RFC1: variants seen among roughly 807,000 people sequenced by gnomAD.
RFC1 encodes replication factor C subunit 1.
A neutral mutation model predicts 137.4 loss-of-function variants in RFC1; 37 were observed. The observed-to-expected ratio is 0.27, with a 90% CI of 0.21 to 0.35. The LOEUF (loss-of-function observed/expected upper bound fraction) is 0.35. Among genes scored for constraint, RFC1 ranks in the 10% least tolerant of loss-of-function variants. The pLI is 1.00. For missense variants in RFC1, 1,205 were observed against 1,358.5 expected, an observed-to-expected ratio of 0.89 and a Z score of 1.78; for synonymous variants, 429 against 455.7, an observed-to-expected ratio of 0.94 and a Z score of 0.75.
At chr4:39,342,740 T>C (rs533261713) in intron 3 of RFC1, among the ~76,000 whole-genome samples, 2 of 152,336 alleles carry the variant, frequency 1.3e-5, no homozygotes, top group South Asian at 2.1e-4. Context: ...ATGGCAAATA[T>C]GGGTCTCACT....
intron 21 of RFC1, among the ~76,000 whole-genome samples, chr4:39,299,443 C>T (rs900562708): frequency 1.3e-5 from 2 of 151,740 alleles, no homozygotes; most frequent in Non-Finnish European, 2.9e-5. Flanking sequence ...GAAACCCTGT[C>T]GCTACTAAAA....
chr4:39,302,262 TG>T lies in RFC1; in HGVS notation c.2535+15del. ...TTGGCTTAGGAAAGTAACTAAGACATGGACATTTATTTTACCATTTTGATAT... is the reference window on the plus strand; with the variant it reads ...TTGGCTTAGGAAAGTAACTAAGACATGACATTTATTTTACCATTTTGATAT... On this transcript the variant is annotated intron_variant, in intron 19 of 24. Coordinates refer to ENST00000349703, the MANE Select transcript of RFC1 (RefSeq NM_002913.5). 6.5e-7 allele frequency: 1 copy of T among 1,529,304 alleles called. No homozygotes were observed. The highest frequency in any genetic ancestry group is 9.1e-7 in the Non-Finnish European group (1 of 1,102,656). 94.7% of individuals were successfully genotyped at this position (1,529,304 alleles called of 1,614,324 possible).
chr4:39,336,616 T>C (rs1474551869), intron 4 of RFC1, among the ~76,000 whole-genome samples: 1 of 152,262 alleles, frequency 6.6e-6, no homozygotes, highest in African/African-American at 2.4e-5. Context: ...GTCCTGTGCA[T>C]TGCGGGATGC....
intron 7 of RFC1, 23 bp downstream of exon 7, chr4:39,323,317 C>T: frequency 6.2e-7 from 1 of 1,609,972 alleles, no homozygotes; most frequent in Non-Finnish European, 8.5e-7. Flanking sequence ...ATTCAGAACG[C>T]AAATAGCCCA....
intron 4 of RFC1, among the ~76,000 whole-genome samples, chr4:39,331,233 T>C (rs1740086904): frequency 6.6e-6 from 1 of 152,224 alleles, no homozygotes; most frequent in Admixed American, 6.5e-5. Flanking sequence ...TTATTTGCTT[T>C]AAGTTCAACA....
rs988120643 is a variant in RFC1, at chr4:39,288,912, T to C, written c.3361-68A>G. 3.0e-6 allele frequency: 3 copies of C among 990,662 alleles called. No individual in the cohort carries two copies. The African/African-American group carries it at 4.9e-5, about 16-fold the overall frequency. 61.4% of individuals were successfully genotyped at this position (990,662 alleles called of 1,614,324 possible). ...TGAGTAAATGAAATAAGTTCATCTC[T>C]ATAACAAATCTAATCTTTACCTGCA... On this transcript the variant is annotated intron_variant, in intron 24 of 24. Coordinates refer to ENST00000349703, the MANE Select transcript of RFC1 (RefSeq NM_002913.5).
At chr4:39,309,094 G>C (rs1163615071) in intron 12 of RFC1, 62 bp from the exon 13 acceptor site, 1 of 1,508,552 alleles carries the variant, frequency 6.6e-7, no homozygotes. Flanking sequence ...TTTCTATCCT[G>C]CTAAACGTAC....
rs192549762 is a variant in RFC1, at chr4:39,317,655, C to T, written c.1096-633G>A. Among the ~76,000 whole-genome samples, 575 of 152,298 alleles carry T rather than the reference C, an allele frequency of 3.8e-3. 3 individuals carry two copies. Among genetic ancestry groups the T allele is most frequent in the Non-Finnish European group, 5.3e-3 (359 of 68,020 alleles). ...TCCTGGGGAAACTTTTCAAACTATG[C>T]ATCCCTAGATCCACCTCCAAGTTTC... On this transcript the variant is annotated intron_variant, in intron 9 of 24. Coordinates refer to ENST00000349703, the MANE Select transcript of RFC1 (RefSeq NM_002913.5).
chr4:39,343,243 G>C (rs950172515), intron 3 of RFC1, among the ~76,000 whole-genome samples: 12 of 151,960 alleles, frequency 7.9e-5, no homozygotes, highest in African/African-American at 2.9e-4. Context: ...GGCTGGTCTG[G>C]AAATCCTGAC....
chr4:39,315,821 A>G (rs947381357), intron 10 of RFC1, among the ~76,000 whole-genome samples: 21 of 151,888 alleles, frequency 1.4e-4, no homozygotes, highest in Admixed American at 2.6e-4. Context: ...ACTTCTCACC[A>G]TCTCTCCTGA....
rs190300593 is a variant in RFC1 at position 39,344,578 on chromosome 4, G to A, written c.208+823C>T. Among the ~76,000 whole-genome samples the A allele has an allele frequency of 4.6e-5, 7 of 152,234 alleles. No individual in the cohort carries two copies. The South Asian group carries it at 8.3e-4, about 18-fold the overall frequency. On this transcript the variant is annotated intron_variant, in intron 3 of 24. Coordinates refer to ENST00000349703, the MANE Select transcript of RFC1 (RefSeq NM_002913.5). ...GGAGTTTGAGACCAGCCTTGTCTAC[G>A]TGGTGAAACCCCATCTCTACTAAAA...
At chr4:39,306,847 TAAAC>T in intron 13 of RFC1, 146 bp from the exon 14 acceptor site, 1 of 619,090 alleles carries the variant, frequency 1.6e-6, no homozygotes. Flanking sequence ...CTACAAAGCA[TAAAC>T]AAGTTTCCAG....
intron 4 of RFC1, among the ~76,000 whole-genome samples, chr4:39,330,113 A>G (rs1740023790): frequency 6.6e-6 from 1 of 152,168 alleles, no homozygotes; most frequent in Non-Finnish European, 1.5e-5. Context: ...TCACTGTATC[A>G]ATTTGGTATG....
chr4:39,319,440 AAT>A (rs545112995), intron 9 of RFC1, among the ~76,000 whole-genome samples: 2 of 152,226 alleles, frequency 1.3e-5, no homozygotes, highest in Non-Finnish European at 2.9e-5. Flanking sequence ...AATAAAAATA[AAT>A]ATCTCACAGG....
chr4:39,308,748 C>T lies in RFC1; in HGVS notation c.1773G>A (p.Lys591=). 1 of 1,614,152 alleles carries T rather than the reference C, an allele frequency of 6.2e-7. No individual in the cohort carries two copies. Among genetic ancestry groups the T allele is most frequent in the Non-Finnish European group, 8.5e-7 (1 of 1,180,010 alleles). Residue 591 remains lysine (K), a synonymous_variant, in exon 13 of 25, where the codon AAG becomes AAA. Coordinates refer to ENST00000349703, the MANE Select transcript of RFC1 (RefSeq NM_002913.5). ...CAATTATGGTCTTGAGCGAGGTTGG[C>T]TTATATTTATCCACCCAGAGCAAAT... The part of the protein sequence containing the change: ...VENLLWVDKY[K]PTSLKTIIGQ...
chr4:39,352,545 A>C (rs1741260924), intron 1 of RFC1, among the ~76,000 whole-genome samples: 2 of 152,220 alleles, frequency 1.3e-5, no homozygotes, highest in African/African-American at 2.4e-5. Flanking sequence ...TCTGTGCTCT[A>C]GTGCTTTTTA....
At chr4:39,364,581 A>G (rs1034000008) in intron 1 of RFC1, among the ~76,000 whole-genome samples, 14 of 152,240 alleles carry the variant, frequency 9.2e-5, no homozygotes, top group African/African-American at 2.9e-4. Flanking sequence ...CACACAAGCT[A>G]TGTTCACCAT....
At chr4:39,350,773 C>T (rs1002499737) in intron 2 of RFC1, among the ~76,000 whole-genome samples, 19 of 152,076 alleles carry the variant, frequency 1.2e-4, no homozygotes, top group African/African-American at 3.9e-4. Flanking sequence ...TGATATTAGA[C>T]GAAAACTCAG....
chr4:39,363,900 AAAGAAG>A (rs71192850), intron 1 of RFC1, among the ~76,000 whole-genome samples: 73 of 119,316 alleles, frequency 6.1e-4, no homozygotes, highest in African/African-American at 1.4e-3. Flanking sequence ...AAAAAAAAAA[AAAGAAG>A]AAGAAGAAGA....
Sources: gnomAD v4.1 joint callset for allele counts (sites outside exome capture counted in the v4.1 genomes callset) on GRCh38, gnomAD v4.1.1 for gene constraint, MANE v1.5 for transcripts, NCBI Gene and HGNC (gene_info 2026-07-23, HGNC 2026-07-21) for gene names.